PRMT3: variants seen among roughly 807,000 people sequenced by gnomAD.
PRMT3 encodes the protein protein arginine methyltransferase 3.
Under a neutral mutation model 71.9 loss-of-function variants are expected in PRMT3, and 62 were observed. The ratio of observed to expected loss-of-function variants is 0.86; its 90% CI spans 0.70 to 1.07. The LOEUF is 1.07. PRMT3 is among the 50% of genes least tolerant of loss of function. The probability of loss-of-function intolerance (pLI) is 0.00; values close to 1 mark genes in which losing one functional copy is unlikely to be tolerated. For synonymous variants in PRMT3, 213 were observed against 220.4 expected, an observed-to-expected ratio of 0.97 and a Z score of 0.30; for missense variants, 663 against 643.0, an observed-to-expected ratio of 1.03 and a Z score of -0.34.
chr11:20,432,047 G>T (rs1375493524), intron 10 of PRMT3, among the ~76,000 whole-genome samples: 1 of 151,988 alleles, frequency 6.6e-6, no homozygotes, highest in South Asian at 2.1e-4. Context: ...TAGGTCCCTT[G>T]TGTATAATTA....
intron 9 of PRMT3, among the ~76,000 whole-genome samples, chr11:20,423,149 C>G (rs1475219571): frequency 1.3e-5 from 2 of 152,188 alleles, no homozygotes; most frequent in African/African-American, 4.8e-5. Flanking sequence ...TGTATTCTTT[C>G]ACCCACATAT....
intron 13 of PRMT3, among the ~76,000 whole-genome samples, chr11:20,474,005 G>T (rs1225601770): frequency 1.3e-5 from 2 of 152,088 alleles, no homozygotes; most frequent in African/African-American, 2.4e-5. Flanking sequence ...TGTCATACAG[G>T]GTATGACCAG....
At chr11:20,451,374 C>T (rs1470381447) in intron 10 of PRMT3, among the ~76,000 whole-genome samples, 2 of 152,014 alleles carry the variant, frequency 1.3e-5, no homozygotes, top group Non-Finnish European at 2.9e-5. Flanking sequence ...GTTCTCTTTA[C>T]CATGAGAACT....
chr11:20,443,408 G>A (rs900598436), intron 10 of PRMT3, among the ~76,000 whole-genome samples: 1 of 152,150 alleles, frequency 6.6e-6, no homozygotes, highest in African/African-American at 2.4e-5. Context: ...TCTCACTTTG[G>A]TTGAACTTTG....
rs761312112 is a variant in PRMT3 at position 20,495,063 on chromosome 11, T to C, written c.1486+809T>C. Among the ~76,000 whole-genome samples the C allele has an allele frequency of 2.0e-5, 3 of 151,766 alleles. No homozygotes were observed. In the East Asian group the frequency reaches 5.9e-4, roughly 30 times the overall value. Reference sequence around the variant, plus strand: ...TCTTTTTTGAGACGGAGTTCCACTCTTGTTGCCCAGACTGGAGTGCAGTGG... The same window carrying C: ...TCTTTTTTGAGACGGAGTTCCACTCCTGTTGCCCAGACTGGAGTGCAGTGG... On this transcript the variant is annotated intron_variant, in intron 15 of 15. Coordinates refer to ENST00000331079, the MANE Select transcript of PRMT3 (RefSeq NM_005788.4).
chr11:20,404,050 T>A (rs898245364), intron 8 of PRMT3, among the ~76,000 whole-genome samples: 1 of 152,072 alleles, frequency 6.6e-6, no homozygotes, highest in African/African-American at 2.4e-5. Flanking sequence ...CTGATCTTTT[T>A]GGCCAAAGCA....
intron 15 of PRMT3, among the ~76,000 whole-genome samples, chr11:20,499,419 G>C (rs780891937): frequency 7.2e-5 from 11 of 152,100 alleles, no homozygotes; most frequent in Admixed American, 1.3e-4. Flanking sequence ...CCAAGAGTTT[G>C]AGACCAGCCT....
chr11:20,477,719 G>A (rs1039404138), intron 13 of PRMT3, among the ~76,000 whole-genome samples: 2 of 151,908 alleles, frequency 1.3e-5, no homozygotes, highest in Admixed American at 1.3e-4. Context: ...AGTAGCTTCT[G>A]GAATAGCAGA....
At chr11:20,472,574 A>G (rs145400727) in intron 13 of PRMT3, among the ~76,000 whole-genome samples, 5,324 of 152,136 alleles carry the variant, frequency 0.035, 155 homozygotes, top group Middle Eastern at 0.12. Flanking sequence ...TCAGTTTGCC[A>G]ATATTTTGTT....
intron 9 of PRMT3, among the ~76,000 whole-genome samples, chr11:20,412,131 C>T (rs1242070772): frequency 6.6e-6 from 1 of 152,088 alleles, no homozygotes; most frequent in Non-Finnish European, 1.5e-5. Context: ...CTTTGTCACT[C>T]AATTCCTAGT....
intron 4 of PRMT3, among the ~76,000 whole-genome samples, chr11:20,392,622 GTT>G (rs77898172): frequency 3.9e-5 from 5 of 127,304 alleles, no homozygotes; most frequent in African/African-American, 1.1e-4. Context: ...CAGATACTTT[GTT>G]TTTTTTTTTT....
At position 20,508,432 on chromosome 11, in the gene PRMT3, C is replaced by G. The variant is rs1448909174; in HGVS notation, c.*19C>G. 1.3e-6 allele frequency: 2 copies of G among 1,545,150 alleles called. No homozygotes were observed. The highest frequency in any genetic ancestry group is 1.8e-6 in the Non-Finnish European group (2 of 1,117,570). ...CCAGTGAAACAGCCATAAAAGCACA[C>G]TACCTTGTAGTTTTTAATGTGGGGG... On this transcript the variant is annotated 3_prime_UTR_variant, in exon 16 of 16. Transcript: ENST00000331079.
chr11:20,424,123 A>G (rs1278816490), intron 9 of PRMT3, among the ~76,000 whole-genome samples: 1 of 150,644 alleles, frequency 6.6e-6, no homozygotes, highest in Non-Finnish European at 1.5e-5. Flanking sequence ...GGTGGAGCTT[A>G]CAGTGAGCCG....
At chr11:20,498,665 G>A (rs1427597207) in intron 15 of PRMT3, among the ~76,000 whole-genome samples, 1 of 152,176 alleles carries the variant, frequency 6.6e-6, no homozygotes, top group African/African-American at 2.4e-5. Flanking sequence ...AGGAGGCAGA[G>A]GTTGCAGTGA....
At chr11:20,391,800 A>G (rs1848721928) in intron 3 of PRMT3, among the ~76,000 whole-genome samples, 1 of 152,198 alleles carries the variant, frequency 6.6e-6, no homozygotes, top group South Asian at 2.1e-4. Context: ...CTTCATGTAA[A>G]AGCTAGTATA....
At chr11:20,479,877 T>A (rs900995176) in intron 13 of PRMT3, among the ~76,000 whole-genome samples, 2 of 152,054 alleles carry the variant, frequency 1.3e-5, no homozygotes, top group Admixed American at 6.6e-5. Context: ...CCAAAAAAAA[T>A]GTTCAAGAAT....
intron 13 of PRMT3, among the ~76,000 whole-genome samples, chr11:20,486,378 C>T (rs1307365856): frequency 6.6e-6 from 1 of 152,098 alleles, no homozygotes. Flanking sequence ...AGTGAAACTA[C>T]AGAAACCAAA....
chr11:20,394,626 T>C (rs1848786366), intron 5 of PRMT3, among the ~76,000 whole-genome samples: 1 of 152,204 alleles, frequency 6.6e-6, no homozygotes, highest in Non-Finnish European at 1.5e-5. Context: ...TTAAGATCTA[T>C]TGTCTGCAAA....
In PRMT3 at chr11:20,508,480, G is replaced by C; in HGVS notation, c.*67G>C. ...GGGTAGAGTGGGTCAGCAGGAGGGA[G>C]CTGGTTTTATGTGAGCAGATGGATG... On this transcript the variant is annotated 3_prime_UTR_variant, in exon 16 of 16. Coordinates refer to ENST00000331079, the MANE Select transcript of PRMT3 (RefSeq NM_005788.4). 1 of 1,154,362 alleles carries C rather than the reference G, an allele frequency of 8.7e-7. No individual in the cohort carries two copies. The highest frequency in any genetic ancestry group is 1.2e-5 in the South Asian group (1 of 81,354). 71.5% of individuals were successfully genotyped at this position (1,154,362 alleles called of 1,614,324 possible).
Sources: gnomAD v4.1 joint callset for allele counts (sites outside exome capture counted in the v4.1 genomes callset) on GRCh38, gnomAD v4.1.1 for gene constraint, MANE v1.5 for transcripts, NCBI Gene and HGNC (gene_info 2026-07-23, HGNC 2026-07-21) for gene names.